The following CTNNA1 variants were observed in gnomAD, a reference collection of about 807,000 sequenced individuals.
The protein encoded by CTNNA1 is catenin alpha 1.
In CTNNA1, 37 loss-of-function variants were observed where a neutral mutation model predicts 98.4. The observed-to-expected ratio is 0.38, with a 90% CI of 0.29 to 0.49. The LOEUF is 0.49. Among genes scored for constraint, CTNNA1 ranks in the 20% least tolerant of loss-of-function variants. CTNNA1 has a pLI of 0.95. For synonymous variants in CTNNA1, 404 were observed against 413.2 expected (o/e 0.98, Z 0.27); for missense variants, 761 against 1,147.2 (o/e 0.66, Z 4.86).
chr5:138,907,417 TGAG>T (rs1468914503), intron 10 of CTNNA1, among the ~76,000 whole-genome samples: 1 of 152,224 alleles, frequency 6.6e-6, no homozygotes, highest in African/African-American at 2.4e-5. Context: ...TTGAAATCTT[TGAG>T]GAGGATAACT....
At chr5:138,914,296 A>G (rs1761289012) in intron 10 of CTNNA1, among the ~76,000 whole-genome samples, 1 of 152,206 alleles carries the variant, frequency 6.6e-6, no homozygotes, top group East Asian at 1.9e-4. Flanking sequence ...GTATAGCTCC[A>G]CTCTGATACA....
chr5:138,864,396 T>C (rs1049564819), intron 7 of CTNNA1, among the ~76,000 whole-genome samples: 4 of 152,188 alleles, frequency 2.6e-5, no homozygotes, highest in Non-Finnish European at 5.9e-5. Flanking sequence ...TAAACAATTA[T>C]AAAAAGCAAG....
chr5:138,892,328 GTTTTTTTT>G (rs70982738), intron 9 of CTNNA1, among the ~76,000 whole-genome samples: 16 of 79,248 alleles, frequency 2.0e-4, no homozygotes, highest in East Asian at 6.4e-4. Flanking sequence ...AAATAGCTTA[GTTTTTTTT>G]TTTTTTTTTT....
chr5:138,844,719 A>G (rs1561585488), intron 7 of CTNNA1, among the ~76,000 whole-genome samples: 1 of 152,218 alleles, frequency 6.6e-6, no homozygotes, highest in Non-Finnish European at 1.5e-5. Context: ...GGAGATTTTA[A>G]AAAATTACCT....
rs143139760 is a variant in CTNNA1 at position 138,885,005 on chromosome 5, T to A, written c.1063-1207T>A. ...ATAACCAGATTTGATAGTGATCATA[T>A]CAATTTTACTTATATTTCAACTCTT... On this transcript the variant is annotated intron_variant, in intron 7 of 17. Transcript: ENST00000302763. 8.9e-4 allele frequency among the ~76,000 whole-genome samples: 135 copies of A among 152,302 alleles called. 3 individuals carry two copies. The East Asian group carries it at 0.022, about 25-fold the overall frequency.
intron 1 of CTNNA1, among the ~76,000 whole-genome samples, chr5:138,762,314 GAA>G (rs1453859195): frequency 6.6e-6 from 1 of 152,140 alleles, no homozygotes; most frequent in Non-Finnish European, 1.5e-5. Flanking sequence ...ACAGTGTGGG[GAA>G]TTAGTCCAGC....
At position 138,875,702 on chromosome 5, in the gene CTNNA1, A is replaced by G. The variant is rs115169603; in HGVS notation, c.1063-10510A>G. The G allele has an allele frequency of 6.6e-4, 654 of 985,444 alleles. 7 individuals are homozygous for G. In the African/African-American group the frequency reaches 0.01, roughly 16 times the overall value. The allele number at this position is 985,444 out of a possible 1,614,324, so 61.0% of individuals were successfully genotyped here. A position where few individuals can be genotyped will look rare whatever the true frequency, so the allele number is the denominator to read the frequency against. On this transcript the variant is annotated intron_variant, in intron 7 of 17. Transcript: ENST00000302763. ...ATCTAAATGGGCAGAAGCCTGCACA[A>G]TTTATGAAGTGCTGATTTAACACCA...
chr5:138,917,642 A>G, intron 10 of CTNNA1, 100 bp from the exon 11 acceptor site: 1 of 1,181,736 alleles, frequency 8.5e-7, no homozygotes, highest in Non-Finnish European at 1.2e-6. Flanking sequence ...TGTGATAGTT[A>G]GGATAGAGCA....
intron 7 of CTNNA1, among the ~76,000 whole-genome samples, chr5:138,835,855 A>AT (rs1045652765): frequency 4.6e-5 from 7 of 151,980 alleles, no homozygotes; most frequent in Non-Finnish European, 7.4e-5. Context: ...AGAGCTCTAG[A>AT]TTTTTTATTT....
chr5:138,920,328 C>G (rs1762662888), intron 11 of CTNNA1, among the ~76,000 whole-genome samples: 1 of 152,222 alleles, frequency 6.6e-6, no homozygotes, highest in Non-Finnish European at 1.5e-5. Flanking sequence ...TTCCCCATCG[C>G]TCCTGACACA....
intron 3 of CTNNA1, among the ~76,000 whole-genome samples, chr5:138,799,581 T>TTTGAAATGAAACTTATTAAACA (rs1198785651): frequency 6.6e-6 from 1 of 152,168 alleles, no homozygotes; most frequent in Non-Finnish European, 1.5e-5. Flanking sequence ...TACATTTAAT[T>TTTGAAATGAAACTTATTAAACA]TTGAAATGAA....
chr5:138,824,342 C>T (rs1760414910), intron 5 of CTNNA1, among the ~76,000 whole-genome samples, 188 bp from the exon 6 acceptor site: 1 of 152,014 alleles, frequency 6.6e-6, no homozygotes, highest in African/African-American at 2.4e-5. Context: ...TGTGTGATTC[C>T]AAAGCTCAGA....
chr5:138,835,089 A>G (rs978993363), intron 7 of CTNNA1, among the ~76,000 whole-genome samples: 4 of 152,030 alleles, frequency 2.6e-5, no homozygotes, highest in Admixed American at 1.3e-4. Flanking sequence ...CACAAAGTCA[A>G]TTTATCAGTT....
intron 3 of CTNNA1, among the ~76,000 whole-genome samples, chr5:138,796,744 T>C (rs1032744417): frequency 6.6e-6 from 1 of 152,200 alleles, no homozygotes; most frequent in Non-Finnish European, 1.5e-5. Context: ...AGATAGTTGA[T>C]GGTGTCTAAC....
chr5:138,868,283 G>T (rs536569058), intron 7 of CTNNA1, among the ~76,000 whole-genome samples: 29 of 152,296 alleles, frequency 1.9e-4, no homozygotes, highest in African/African-American at 7.0e-4. Flanking sequence ...GTGGAGCAGG[G>T]GGTTGGCACC....
chr5:138,860,584 C>T (rs288012), intron 7 of CTNNA1, among the ~76,000 whole-genome samples: 97,567 of 151,974 alleles, frequency 0.64, 32,187 homozygotes, highest in East Asian at 0.89. Context: ...CATCCTCTGC[C>T]GCCCGGGCTC....
chr5:138,870,452 A>G (rs1468424052), intron 7 of CTNNA1: 1 of 152,264 alleles, frequency 6.6e-6, no homozygotes, highest in Admixed American at 6.5e-5. Context: ...ATTTTTTTCA[A>G]CTGGAAAGTA....
intron 10 of CTNNA1, among the ~76,000 whole-genome samples, chr5:138,906,282 G>A (rs149468664): frequency 8.5e-5 from 13 of 152,262 alleles, no homozygotes; most frequent in Admixed American, 7.2e-4. Flanking sequence ...GTCATTGACA[G>A]CTGCATAGAT....
chr5:138,794,931 C>T (rs905733706), intron 3 of CTNNA1, among the ~76,000 whole-genome samples: 2 of 151,966 alleles, frequency 1.3e-5, no homozygotes, highest in African/African-American at 4.8e-5. Context: ...AGGTAGATCA[C>T]CTGAGGTCAG....
Sources: gnomAD v4.1 joint callset for allele counts (sites outside exome capture counted in the v4.1 genomes callset) on GRCh38, gnomAD v4.1.1 for gene constraint, MANE v1.5 for transcripts, NCBI Gene and HGNC (gene_info 2026-07-23, HGNC 2026-07-21) for gene names.